SLC22A3: variants seen among roughly 807,000 people sequenced by gnomAD.
SLC22A3 encodes EMT organic cation transporter 3.
SLC22A3 carries 51 observed loss-of-function variants against 59.1 expected under a neutral mutation model. That is an observed-to-expected ratio of 0.86 (90% CI 0.69 to 1.09). SLC22A3 has a LOEUF of 1.09. SLC22A3 is among the 50% of genes least tolerant of loss of function. SLC22A3 has a pLI of 0.00. For synonymous variants in SLC22A3, 325 were observed against 292.0 expected, an observed-to-expected ratio of 1.11 and a Z score of -1.15; for missense variants, 711 against 726.3, an observed-to-expected ratio of 0.98 and a Z score of 0.24.
chr6:160,440,328 A>T (rs1460030365), intron 7 of SLC22A3, among the ~76,000 whole-genome samples: 1 of 152,166 alleles, frequency 6.6e-6, no homozygotes, highest in Non-Finnish European at 1.5e-5. Flanking sequence ...AAGTGAGTTC[A>T]TGTATCTTAA....
intron 1 of SLC22A3, among the ~76,000 whole-genome samples, chr6:160,351,776 C>A (rs1427107565): frequency 6.6e-6 from 1 of 152,186 alleles, no homozygotes; most frequent in Non-Finnish European, 1.5e-5. Flanking sequence ...TTCATCCTTG[C>A]ACCATGGTGG....
At chr6:160,376,476 C>G (rs1260914421) in intron 1 of SLC22A3, among the ~76,000 whole-genome samples, 2 of 152,116 alleles carry the variant, frequency 1.3e-5, no homozygotes, top group African/African-American at 4.8e-5. Context: ...CACACGTATA[C>G]CTATGTAACA....
In SLC22A3 at chr6:160,436,845, G is replaced by C. The variant is rs200083406; in HGVS notation, c.1041G>C (p.Met347Ile). Residue 347 changes from methionine (M) to isoleucine (I), a missense_variant, in exon 6 of 11, where the codon ATG becomes ATC. Coordinates refer to ENST00000275300, the MANE Select transcript of SLC22A3 (RefSeq NM_021977.4). ...TAGATCTGGTGAGAACTCCCCAAAT[G>C]AGGAAATGCACACTTATTCTTATGT... ...SFLDLVRTPQ[M>I]RKCTLILMFA... 3.7e-6 allele frequency: 6 copies of C among 1,613,860 alleles called. No homozygotes were observed. The Admixed American group carries it at 1.0e-4, about 27-fold the overall frequency.
chr6:160,426,351 G>T, intron 5 of SLC22A3: 1 of 985,310 alleles, frequency 1.0e-6, no homozygotes, highest in African/African-American at 1.7e-5. Flanking sequence ...TTTTTTGAGG[G>T]GTGCAGAGTT....
At chr6:160,384,747 T>C (rs1785932160) in intron 1 of SLC22A3, among the ~76,000 whole-genome samples, 1 of 152,010 alleles carries the variant, frequency 6.6e-6, no homozygotes, top group Admixed American at 6.5e-5. Context: ...CCTCAGAATT[T>C]CTCTGTGGGC....
intron 1 of SLC22A3, among the ~76,000 whole-genome samples, chr6:160,355,040 G>A (rs1020740226): frequency 5.3e-5 from 8 of 152,206 alleles, no homozygotes; most frequent in South Asian, 2.1e-4. Flanking sequence ...GGAGGCATGC[G>A]AGGCAGGCAG....
intron 4 of SLC22A3, among the ~76,000 whole-genome samples, chr6:160,409,423 G>A (rs1240080640): frequency 7.6e-6 from 1 of 130,934 alleles, no homozygotes; most frequent in Non-Finnish European, 1.6e-5. Context: ...GTCTATCATT[G>A]TTGGACATTT....
At chr6:160,399,190 T>C (rs1321796799) in intron 2 of SLC22A3, among the ~76,000 whole-genome samples, 1 of 152,168 alleles carries the variant, frequency 6.6e-6, no homozygotes, top group African/African-American at 2.4e-5. Flanking sequence ...TGCTGGATCC[T>C]TTCATGTGTG....
At chr6:160,374,977 A>G (rs1275041322) in intron 1 of SLC22A3, among the ~76,000 whole-genome samples, 2 of 152,204 alleles carry the variant, frequency 1.3e-5, no homozygotes, top group African/African-American at 4.8e-5. Context: ...GAGCAAGAGC[A>G]CGTGCAGACT....
At chr6:160,355,406 G>T (rs1253034848) in intron 1 of SLC22A3, among the ~76,000 whole-genome samples, 1 of 152,138 alleles carries the variant, frequency 6.6e-6, no homozygotes, top group African/African-American at 2.4e-5. Context: ...TGGGACATGT[G>T]CCACAGCTGT....
chr6:160,366,051 T>C (rs1033825619), intron 1 of SLC22A3, among the ~76,000 whole-genome samples: 10 of 152,054 alleles, frequency 6.6e-5, no homozygotes, highest in African/African-American at 2.4e-4. Flanking sequence ...GAACTACAAT[T>C]CAAGATAGGA....
chr6:160,401,972 T>G (rs1413376576), intron 2 of SLC22A3, among the ~76,000 whole-genome samples: 1 of 151,486 alleles, frequency 6.6e-6, no homozygotes, highest in Non-Finnish European at 1.5e-5. Context: ...AACATAAGAA[T>G]AAAAAATAAG....
chr6:160,434,538 A>AAGTGCTT (rs939026544), intron 5 of SLC22A3, among the ~76,000 whole-genome samples: 23 of 152,230 alleles, frequency 1.5e-4, no homozygotes, highest in African/African-American at 5.5e-4. Context: ...AATCCACGTA[A>AAGTGCTT]AGTGCTTAGT....
At chr6:160,450,894 T>G in intron 10 of SLC22A3, 102 bp from the exon 11 acceptor site, 1 of 1,102,146 alleles carries the variant, frequency 9.1e-7, no homozygotes, top group African/African-American at 1.6e-5. Flanking sequence ...TTTTCATGAA[T>G]GTATTTGATC....
chr6:160,445,330 A>G (rs1293873106), intron 9 of SLC22A3, among the ~76,000 whole-genome samples: 1 of 152,124 alleles, frequency 6.6e-6, no homozygotes. Context: ...TAGAGGATGG[A>G]GTGCAGTTGT....
chr6:160,445,833 G>C (rs924426597), intron 9 of SLC22A3, among the ~76,000 whole-genome samples: 1 of 152,222 alleles, frequency 6.6e-6, no homozygotes, highest in Non-Finnish European at 1.5e-5. Flanking sequence ...ATGGGGCTCT[G>C]TGTCCGCTGT....
At chr6:160,419,481 G>A (rs1209017495) in intron 5 of SLC22A3, among the ~76,000 whole-genome samples, 1 of 152,214 alleles carries the variant, frequency 6.6e-6, no homozygotes, top group Non-Finnish European at 1.5e-5. Flanking sequence ...CTTCAGATTT[G>A]AAATCTCTCT....
At chr6:160,371,027 T>C (rs1351408840) in intron 1 of SLC22A3, among the ~76,000 whole-genome samples, 3 of 152,184 alleles carry the variant, frequency 2.0e-5, no homozygotes, top group Admixed American at 6.5e-5. Flanking sequence ...TTTATCGCAT[T>C]CTGTGTTTCT....
Position 160,415,340 on chromosome 6 carries a change from C to T in SLC22A3, c.975+4494C>T, listed in dbSNP as rs1280935101. On this transcript the variant is annotated intron_variant, in intron 5 of 10. Transcript: ENST00000275300. This position sits in a 1 kb window ranked among gnomAD's most constrained non-coding sequence, Gnocchi z 4.1. Reference sequence around the variant, plus strand: ...CAGCAGGGTAGGCACTGTACTTGAACTCCAACCCCAAAAATCACAGCAGGA... The same window carrying T: ...CAGCAGGGTAGGCACTGTACTTGAATTCCAACCCCAAAAATCACAGCAGGA... Among the ~76,000 whole-genome samples the T allele has an allele frequency of 6.6e-6, 1 of 152,208 alleles. No homozygotes were observed. The highest frequency in any genetic ancestry group is 6.5e-5 in the Admixed American group (1 of 15,284).
Sources: gnomAD v4.1 joint callset for allele counts (sites outside exome capture counted in the v4.1 genomes callset) on GRCh38, gnomAD v4.1.1 for gene constraint, Gnocchi (gnomAD v3.1) non-coding constraint, MANE v1.5 for transcripts, NCBI Gene and HGNC (gene_info 2026-07-23, HGNC 2026-07-21) for gene names.